Variants in STK32A observed in about 807,000 individuals in gnomAD.
STK32A encodes the protein serine/threonine-protein kinase 32A.
STK32A carries 41 observed loss-of-function variants against 53.2 expected under a neutral mutation model. The ratio of observed to expected loss-of-function variants is 0.77; its 90% confidence interval spans 0.60 to 1.00. STK32A has a LOEUF of 1.00. Ranked by LOEUF, STK32A falls within the 50% of genes least tolerant of loss-of-function variation. The pLI is 0.00. For synonymous variants in STK32A, 166 were observed against 162.8 expected (o/e 1.02, Z -0.15); for missense variants, 458 against 485.8 (o/e 0.94, Z 0.54).
At chr5:147,308,075 C>G (rs959785061) in intron 4 of STK32A, among the ~76,000 whole-genome samples, 1 of 151,608 alleles carries the variant, frequency 6.6e-6, no homozygotes, top group African/African-American at 2.4e-5. Context: ...TACATGGAGT[C>G]TATAGATTAA....
Position 147,386,964 on chromosome 5 carries a change from C to T in STK32A, c.*2981C>T, listed in dbSNP as rs1359682846. 1 of 152,226 alleles carries T rather than the reference C, an allele frequency of 6.6e-6. No individual in the cohort carries two copies. The highest frequency in any genetic ancestry group is 1.5e-5 in the Non-Finnish European group (1 of 68,026). 9.4% of individuals were successfully genotyped at this position (152,226 alleles called of 1,614,324 possible). A position where few individuals can be genotyped will look rare whatever the true frequency, so the allele number is the denominator to read the frequency against. On this transcript the variant is annotated 3_prime_UTR_variant, in exon 13 of 13. Transcript: ENST00000397936. ...ATATCCCACTAGGTGGAACATGTCT[C>T]TTCCGGAGTTGTGACAACCGAGGCT...
chr5:147,249,249 C>A (rs147748040), intron 2 of STK32A, among the ~76,000 whole-genome samples: 1 of 151,946 alleles, frequency 6.6e-6, no homozygotes, highest in Non-Finnish European at 1.5e-5. Context: ...AAGTGACTTA[C>A]CTCTCTGATC....
At chr5:147,284,671 A>C (rs981121051) in intron 4 of STK32A, among the ~76,000 whole-genome samples, 47 of 147,410 alleles carry the variant, frequency 3.2e-4, no homozygotes, top group African/African-American at 8.3e-4. Flanking sequence ...AGCTGCAAAA[A>C]AAAACAAAAC....
At chr5:147,401,397 G>C in the STK32A span, 101 of 940,820 alleles carry the variant, frequency 1.1e-4, no homozygotes, top group Middle Eastern at 6.5e-4. Flanking sequence ...CTACGCTCAA[G>C]ACTGTAAAAG....
intron 2 of STK32A, among the ~76,000 whole-genome samples, chr5:147,271,566 C>T (rs1187123418): frequency 6.6e-6 from 1 of 152,118 alleles, no homozygotes; most frequent in Non-Finnish European, 1.5e-5. Context: ...CTTTCAAAAG[C>T]AAATGGGAGA....
At chr5:147,256,553 C>A (rs1580996241) in intron 2 of STK32A, among the ~76,000 whole-genome samples, 1 of 151,936 alleles carries the variant, frequency 6.6e-6, no homozygotes, top group Admixed American at 6.6e-5. Context: ...CTCTTGTTGC[C>A]CAGGCTGGAG....
chr5:147,369,646 G>A (rs1756920448), intron 8 of STK32A, among the ~76,000 whole-genome samples: 2 of 152,060 alleles, frequency 1.3e-5, no homozygotes, highest in African/African-American at 4.8e-5. Flanking sequence ...TTACTACAGG[G>A]AAAAACTTAA....
intron 7 of STK32A, among the ~76,000 whole-genome samples, chr5:147,353,366 T>TATTAGGCAACAGACTGAGATATC (rs1395660241): frequency 1.4e-4 from 22 of 152,116 alleles, no homozygotes; most frequent in Admixed American, 1.3e-4. Flanking sequence ...GACTAAAACT[T>TATTAGGCAACAGACTGAGATATC]ATTAGGCAAC....
At chr5:147,394,182 T>C in the STK32A span, 27 of 1,558,536 alleles carry the variant, frequency 1.7e-5, no homozygotes, top group Non-Finnish European at 2.2e-5. Context: ...GGTAGGGGGA[T>C]GTGGGCAAGA....
chr5:147,368,927 A>G (rs769343161), intron 8 of STK32A, among the ~76,000 whole-genome samples: 1 of 152,164 alleles, frequency 6.6e-6, no homozygotes, highest in East Asian at 1.9e-4. Flanking sequence ...AAGAAGAAAC[A>G]CAGAAAAAAG....
intron 9 of STK32A, 87 bp from the exon 10 acceptor site, chr5:147,373,082 G>A: frequency 6.4e-7 from 1 of 1,550,518 alleles, no homozygotes; most frequent in Non-Finnish European, 8.8e-7. Flanking sequence ...CAGTCCTACA[G>A]TTGAAAGCAT....
chr5:147,326,538 T>C (rs1754599261), intron 5 of STK32A, among the ~76,000 whole-genome samples: 1 of 152,206 alleles, frequency 6.6e-6, no homozygotes, highest in Non-Finnish European at 1.5e-5. Flanking sequence ...GTATAATTAA[T>C]TCATTTGTCT....
chr5:147,381,212 T>G (rs753096542), intron 11 of STK32A, among the ~76,000 whole-genome samples: 16 of 152,190 alleles, frequency 1.1e-4, no homozygotes, highest in Non-Finnish European at 1.9e-4. Context: ...TTTTAGCACT[T>G]TGAATATATC....
chr5:147,308,886 T>C (rs1200804552), intron 4 of STK32A, among the ~76,000 whole-genome samples: 1 of 151,586 alleles, frequency 6.6e-6, no homozygotes, highest in Non-Finnish European at 1.5e-5. Flanking sequence ...TATTATCCTC[T>C]TGTGTATATT....
At chr5:147,272,443 C>T (rs746935319) in intron 2 of STK32A, among the ~76,000 whole-genome samples, 2 of 152,106 alleles carry the variant, frequency 1.3e-5, no homozygotes, top group Admixed American at 6.5e-5. Flanking sequence ...TACATTTACA[C>T]AATAAAATAC....
At chr5:147,285,348 T>C (rs1483063785) in intron 4 of STK32A, among the ~76,000 whole-genome samples, 1 of 152,082 alleles carries the variant, frequency 6.6e-6, no homozygotes, top group Non-Finnish European at 1.5e-5. Flanking sequence ...ACTATAAAAA[T>C]TCTAGAAGAT....
intron 4 of STK32A, among the ~76,000 whole-genome samples, chr5:147,312,796 C>A (rs1331603039): frequency 6.6e-6 from 1 of 152,112 alleles, no homozygotes; most frequent in Non-Finnish European, 1.5e-5. Context: ...ATGATATGCA[C>A]CCTATGGAGA....
the STK32A span, among the ~76,000 whole-genome samples, chr5:147,400,168 G>A: frequency 1.8e-4 from 28 of 152,112 alleles, no homozygotes; most frequent in African/African-American, 4.3e-4. Flanking sequence ...TATTTCTTTC[G>A]TCAGTCCTTG....
At chr5:147,293,485 A>T (rs1006893838) in intron 4 of STK32A, among the ~76,000 whole-genome samples, 70 of 86,362 alleles carry the variant, frequency 8.1e-4, no homozygotes, top group African/African-American at 1.6e-3. Flanking sequence ...GAGGTAAAAA[A>T]AAAAAAAAAA....
Sources: gnomAD v4.1 joint callset for allele counts (sites outside exome capture counted in the v4.1 genomes callset) on GRCh38, gnomAD v4.1.1 for gene constraint, MANE v1.5 for transcripts, NCBI Gene and HGNC (gene_info 2026-07-23, HGNC 2026-07-21) for gene names.